ITGAE: variants seen among roughly 807,000 people sequenced by gnomAD.
The protein encoded by ITGAE is integrin alpha-E.
Under a neutral mutation model 136.5 loss-of-function variants are expected in ITGAE, and 99 were observed. That is an observed-to-expected ratio of 0.73 (90% CI 0.62 to 0.86). The LOEUF is 0.86. Ranked by LOEUF, ITGAE falls within the 40% of genes least tolerant of loss-of-function variation. The pLI is 0.00. For missense variants in ITGAE, 1,447 were observed against 1,515.3 expected (o/e 0.95, Z 0.75); for synonymous variants, 613 against 591.8 (o/e 1.04, Z -0.52).
chr17:3,777,373 C>A (rs951190241), intron 2 of ITGAE, among the ~76,000 whole-genome samples, 167 bp downstream of exon 2: 2 of 152,232 alleles, frequency 1.3e-5, no homozygotes, highest in Non-Finnish European at 2.9e-5. Flanking sequence ...ATGCCCACAG[C>A]CTCTCTCACA....
chr17:3,782,769 T>A (rs991063277), intron 1 of ITGAE, among the ~76,000 whole-genome samples: 1 of 152,192 alleles, frequency 6.6e-6, no homozygotes, highest in South Asian at 2.1e-4. Flanking sequence ...TGAAAAGCTA[T>A]ACAACTTCTT....
In ITGAE at chr17:3,756,995, A is replaced by G. The variant is rs2052042240; in HGVS notation, c.1160T>C (p.Ile387Thr). The change falls in exon 10 of 31, where the codon ATC becomes ACC. Residue 387 changes from isoleucine (I) to threonine (T), a missense_variant. This residue lies in a region of ITGAE where 310 missense variants were observed against 416.1 expected (regional missense o/e 0.74). Coordinates refer to ENST00000263087, the MANE Select transcript of ITGAE (RefSeq NM_002208.5). ...GLLSKLRYNI[I>T]SMEGTVGDAL... ...CCCGGAGCCCTCACCTTCCATGCTG[A>G]TGATGTTGTACCGCAGTTTGCTCAG... The G allele has an allele frequency of 6.2e-7, 1 of 1,613,724 alleles. No homozygotes were observed. The highest frequency in any genetic ancestry group is 8.5e-7 in the Non-Finnish European group (1 of 1,179,856).
At chr17:3,773,560 TG>T (rs1475952059) in intron 2 of ITGAE, among the ~76,000 whole-genome samples, 1 of 96,440 alleles carries the variant, frequency 1.0e-5, no homozygotes, top group Admixed American at 1.1e-4. Flanking sequence ...AGGGGCAAAG[TG>T]GGGGTGAGGG....
chr17:3,715,227 T>C (rs1014683988), intron 30 of ITGAE, among the ~76,000 whole-genome samples: 1 of 152,240 alleles, frequency 6.6e-6, no homozygotes, highest in African/African-American at 2.4e-5. Context: ...ATTTCGGCTG[T>C]ACTGGATCTA....
chr17:3,750,517 G>A lies in ITGAE; in HGVS notation c.1894-35C>T. ...CAGAAACACAAGGCGTGGGGCGAGG[G>A]AAGGGAGGGAAACGGGGCGGGGAGT... On this transcript the variant is annotated intron_variant, in intron 15 of 30. Coordinates refer to ENST00000263087, the MANE Select transcript of ITGAE (RefSeq NM_002208.5). The A allele has an allele frequency of 5.6e-6, 9 of 1,612,568 alleles. 1 individual carries two copies. The highest frequency in any genetic ancestry group is 3.3e-5 in the South Asian group (3 of 91,054).
In ITGAE at chr17:3,751,744, G is replaced by T. The variant is rs1214446714; in HGVS notation, c.1799C>A (p.Pro600His). Residue 600 changes from proline (P) to histidine (H), a missense_variant, in exon 15 of 31, where the codon CCC (proline) becomes CAC (histidine). By Grantham distance (77) the Pro-to-His change is moderately conservative (BLOSUM62 -2). Coordinates refer to ENST00000263087, the MANE Select transcript of ITGAE (RefSeq NM_002208.5). ...ATCATCTGCCCCAAAACCTTCCAGG[G>T]GGGCCCCGATGGCCACATCTGTGAG... The part of the protein sequence containing the change: ...DKLTDVAIGA[P>H]LEGFGADDGA... 1 of 1,613,916 alleles carries T rather than the reference G, an allele frequency of 6.2e-7. No individual in the cohort carries two copies. Among genetic ancestry groups the T allele is most frequent in the Non-Finnish European group, 8.5e-7 (1 of 1,179,994 alleles).
chr17:3,759,497 C>A lies in ITGAE; in HGVS notation c.771G>T (p.Arg257=), dbSNP rs369680526. The change falls in exon 8 of 31, where the codon CGG becomes CGT. Residue 257 remains arginine, a synonymous_variant. Coordinates refer to ENST00000263087, the MANE Select transcript of ITGAE (RefSeq NM_002208.5). ...GGVIQTEFDL[R]DSQDVMASLA... Reference sequence around the variant, plus strand: ...GGGAGGCCATCACATCCTGGCTGTCCCGAAGGTCAAACTCAGTCTGGATCA... The same window carrying A: ...GGGAGGCCATCACATCCTGGCTGTCACGAAGGTCAAACTCAGTCTGGATCA... 6.2e-7 allele frequency: 1 copy of A among 1,614,054 alleles called. No individual in the cohort carries two copies. Among genetic ancestry groups the A allele is most frequent in the Non-Finnish European group, 8.5e-7 (1 of 1,180,042 alleles).
intron 29 of ITGAE, chr17:3,717,929 C>T (rs1169834280): frequency 6.6e-6 from 1 of 152,190 alleles, no homozygotes; most frequent in African/African-American, 2.4e-5. Flanking sequence ...AAGGAAGTCC[C>T]AAGGTGACTC....
intron 1 of ITGAE, among the ~76,000 whole-genome samples, chr17:3,787,690 C>CTTT (rs373882120): frequency 7.1e-6 from 1 of 140,404 alleles, no homozygotes. Flanking sequence ...ATGGTTTTCT[C>CTTT]TTTTTTTTTT....
At chr17:3,793,828 G>C (rs1015903934) in intron 1 of ITGAE, among the ~76,000 whole-genome samples, 1 of 152,112 alleles carries the variant, frequency 6.6e-6, no homozygotes, top group African/African-American at 2.4e-5. Context: ...TTACAGGTGT[G>C]AGCCACTGCA....
chr17:3,771,355 C>T (rs961031805), intron 2 of ITGAE, among the ~76,000 whole-genome samples: 6 of 152,068 alleles, frequency 3.9e-5, no homozygotes, highest in African/African-American at 7.2e-5. Flanking sequence ...GGCTAATCCA[C>T]GGAGATGAAA....
At chr17:3,749,849 C>T (rs1597329788) in intron 16 of ITGAE, among the ~76,000 whole-genome samples, 18 of 152,118 alleles carry the variant, frequency 1.2e-4, no homozygotes, top group Middle Eastern at 3.4e-3. Flanking sequence ...AACCCTGTCT[C>T]TACTAAAAAT....
Position 3,743,701 on chromosome 17 carries a change from T to G in ITGAE, c.2320-84A>C. 6.9e-6 allele frequency: 9 copies of G among 1,305,472 alleles called. No homozygotes were observed. The South Asian group carries it at 1.2e-4, about 18-fold the overall frequency. 80.9% of individuals were successfully genotyped at this position (1,305,472 alleles called of 1,614,324 possible). A position where few individuals can be genotyped will look rare whatever the true frequency, so the allele number is the denominator to read the frequency against. On this transcript the variant is annotated intron_variant, in intron 18 of 30. Coordinates refer to ENST00000263087, the MANE Select transcript of ITGAE (RefSeq NM_002208.5). ...AATAATGCTTTTTTTCTTTTTCTTTTTTTCTTTTTTTTTTTTTTTGAGATG... is the reference window on the plus strand; with the variant it reads ...AATAATGCTTTTTTTCTTTTTCTTTGTTTCTTTTTTTTTTTTTTTGAGATG...
intron 1 of ITGAE, among the ~76,000 whole-genome samples, chr17:3,789,681 T>TG (rs2052892989): frequency 6.6e-6 from 1 of 151,756 alleles, no homozygotes; most frequent in Non-Finnish European, 1.5e-5. Context: ...TTGTATTTTT[T>TG]GTAGAGATGG....
chr17:3,731,312 C>A, intron 22 of ITGAE, 129 bp from the exon 23 acceptor site: 1 of 648,864 alleles, frequency 1.5e-6, no homozygotes, highest in Non-Finnish European at 2.7e-6. Flanking sequence ...ATTTTTCTAA[C>A]ACAGCATGTT....
chr17:3,734,159 C>T (rs220467), intron 21 of ITGAE, among the ~76,000 whole-genome samples: 2,341 of 152,330 alleles, frequency 0.015, 74 homozygotes, highest in African/African-American at 0.053. Flanking sequence ...CAAGCTCCGC[C>T]TCCCGGGTTC....
intron 1 of ITGAE, among the ~76,000 whole-genome samples, chr17:3,800,251 C>T (rs1057376639): frequency 7.9e-5 from 12 of 152,242 alleles, no homozygotes; most frequent in Non-Finnish European, 5.9e-5. Flanking sequence ...TCCCAAGTCC[C>T]CTCCCAGCAC....
chr17:3,787,744 A>G (rs991702577), intron 1 of ITGAE, among the ~76,000 whole-genome samples: 75 of 148,302 alleles, frequency 5.1e-4, no homozygotes, highest in African/African-American at 1.8e-3. Flanking sequence ...CTGGAGTGCC[A>G]TGGCACAATC....
chr17:3,772,415 T>A (rs1166458233), intron 2 of ITGAE, among the ~76,000 whole-genome samples: 2 of 151,820 alleles, frequency 1.3e-5, no homozygotes, highest in Non-Finnish European at 2.9e-5. Context: ...AATGAATGAA[T>A]GAATGAATGA....
Sources: gnomAD v4.1 joint callset for allele counts (sites outside exome capture counted in the v4.1 genomes callset) on GRCh38, gnomAD v4.1.1 for gene constraint, gnomAD v4.1.1 regional missense constraint, MANE v1.5 for transcripts, NCBI Gene and HGNC (gene_info 2026-07-23, HGNC 2026-07-21) for gene names.